Variants in KIAA0513 observed in about 807,000 individuals in gnomAD.
The protein encoded by KIAA0513 is uncharacterized protein KIAA0513.
In KIAA0513, 39 loss-of-function variants were observed where a neutral mutation model predicts 56.5. The observed-to-expected ratio is 0.69, with a 90% CI of 0.53 to 0.90. The LOEUF is 0.90. Ranked by LOEUF, KIAA0513 falls within the 40% of genes least tolerant of loss-of-function variation. The pLI, the probability that KIAA0513 is intolerant of heterozygous loss-of-function variation, is 0.00. For synonymous variants in KIAA0513, 268 were observed against 215.6 expected (o/e 1.24, Z -2.13); for missense variants, 591 against 535.2 (o/e 1.10, Z -1.03).
At chr16:85,036,548 C>T (rs1482143268) in intron 1 of KIAA0513, among the ~76,000 whole-genome samples, 3 of 150,606 alleles carry the variant, frequency 2.0e-5, no homozygotes, top group African/African-American at 7.3e-5. Flanking sequence ...GAAAGAGTGC[C>T]GGTGCCTTCT....
chr16:85,092,055 GC>G lies in KIAA0513; in HGVS notation c.*3732del, dbSNP rs1487275306. 6.6e-6 allele frequency: 1 copy of G among 150,956 alleles called. No individual in the cohort carries two copies. Among genetic ancestry groups the G allele is most frequent in the Non-Finnish European group, 1.5e-5 (1 of 67,996 alleles). 9.4% of individuals were successfully genotyped at this position (150,956 alleles called of 1,614,324 possible). A position where few individuals can be genotyped will look rare whatever the true frequency, so the allele number is the denominator to read the frequency against. On this transcript the variant is annotated 3_prime_UTR_variant, in exon 13 of 13. Transcript: ENST00000683363. ...CCTCCCGGGTTCAAGCAATTCTCCT[GC>G]CTCAGCCTCCTGAGTAGCTGGGATG...
chr16:85,069,436 GGT>G (rs2073539915), intron 2 of KIAA0513, among the ~76,000 whole-genome samples: 1 of 152,046 alleles, frequency 6.6e-6, no homozygotes, highest in Admixed American at 6.6e-5. Context: ...GTTCTTTTGT[GGT>G]TCTTGAGGGT....
At chr16:85,037,600 C>T (rs1429842560) in intron 1 of KIAA0513, among the ~76,000 whole-genome samples, 5 of 152,164 alleles carry the variant, frequency 3.3e-5, no homozygotes, top group African/African-American at 1.2e-4. Flanking sequence ...AACCCGTTAA[C>T]CAAGTAAAAC....
Position 85,081,187 on chromosome 16 carries a change from C to G in KIAA0513, c.903-128C>G. On this transcript the variant is annotated intron_variant, in intron 8 of 12. Transcript: ENST00000683363. This position sits in a 1 kb window ranked among gnomAD's most constrained non-coding sequence, Gnocchi z 4.4. ...CTCAGTTTTTCCTTCTCAGCCCTAC[C>G]TCTCTGAGACTTCTTAGAAGCTCAG... is the stretch of plus-strand genomic sequence containing the variant. The G allele has an allele frequency of 6.0e-6, 5 of 831,900 alleles. No individual in the cohort carries two copies. The highest frequency in any genetic ancestry group is 5.7e-5 in the South Asian group (4 of 70,508). 51.5% of individuals were successfully genotyped at this position (831,900 alleles called of 1,614,324 possible).
chr16:85,057,040 G>T (rs183916573), intron 1 of KIAA0513, among the ~76,000 whole-genome samples: 29 of 152,318 alleles, frequency 1.9e-4, no homozygotes, highest in African/African-American at 7.0e-4. Flanking sequence ...TGGGTGTACA[G>T]TGTCTGAAGA....
intron 1 of KIAA0513, among the ~76,000 whole-genome samples, chr16:85,045,878 A>G (rs1439737389): frequency 6.6e-6 from 1 of 152,140 alleles, no homozygotes; most frequent in Admixed American, 6.5e-5. Context: ...CCATCTGCCC[A>G]TCTGGCTTGG....
At chr16:85,034,846 G>A (rs991787050) in intron 1 of KIAA0513, among the ~76,000 whole-genome samples, 1 of 152,180 alleles carries the variant, frequency 6.6e-6, no homozygotes, top group African/African-American at 2.4e-5. Flanking sequence ...CACACAGTGT[G>A]TAGGGGCAGC....
At chr16:85,035,874 G>T (rs911363208) in intron 1 of KIAA0513, among the ~76,000 whole-genome samples, 19 of 151,920 alleles carry the variant, frequency 1.3e-4, no homozygotes, top group African/African-American at 4.6e-4. Context: ...CAGCTACTTG[G>T]GAGGCTAGGC....
chr16:85,082,959 C>T (rs1043409964), intron 10 of KIAA0513, among the ~76,000 whole-genome samples: 8 of 152,384 alleles, frequency 5.2e-5, no homozygotes, highest in Middle Eastern at 6.8e-3. Flanking sequence ...CCAGCCACTC[C>T]GGCCCCTTCT....
chr16:85,079,223 C>G, intron 8 of KIAA0513: 2 of 958,410 alleles, frequency 2.1e-6, no homozygotes, highest in Non-Finnish European at 3.0e-6. Flanking sequence ...TGAGCAGCCG[C>G]TGAGAAACAG....
Position 85,077,354 on chromosome 16 carries a change from CTG to C in KIAA0513, c.575-70_575-69del, listed in dbSNP as rs1255238452. ...GCACAGGACCCCTGCGGGGCTCCCTCTGGGCCTCTGCAGTTAGCAGGCGCATA... is the reference window on the plus strand; with the variant it reads ...GCACAGGACCCCTGCGGGGCTCCCTCGGCCTCTGCAGTTAGCAGGCGCATA... On this transcript the variant is annotated intron_variant, in intron 5 of 12. Transcript: ENST00000683363. 7.6e-6 allele frequency: 11 copies of C among 1,452,204 alleles called. No individual in the cohort carries two copies. The East Asian group carries it at 2.5e-4, about 33-fold the overall frequency. The allele number at this position is 1,452,204 out of a possible 1,614,324, so 90.0% of individuals were successfully genotyped here. A position where few individuals can be genotyped will look rare whatever the true frequency, so the allele number is the denominator to read the frequency against.
At chr16:85,064,131 G>A (rs184720952) in intron 1 of KIAA0513, among the ~76,000 whole-genome samples, 6 of 150,006 alleles carry the variant, frequency 4.0e-5, no homozygotes, top group East Asian at 2.0e-4. Flanking sequence ...TCAGCCTCCC[G>A]AGTGTTTAGG....
In KIAA0513 at chr16:85,082,711, G is replaced by C. The variant is rs1392256914; in HGVS notation, c.1010+118G>C. ...TGCAGCAGGCACAGCCCAGACGCAG[G>C]TGCAGCCTGGTGGCCGGCGGGGAGG... On this transcript the variant is annotated intron_variant, in intron 10 of 12. Coordinates refer to ENST00000683363, the MANE Select transcript of KIAA0513 (RefSeq NM_001388359.1). 4 of 1,061,874 alleles carry C rather than the reference G, an allele frequency of 3.8e-6. No individual in the cohort carries two copies. In the South Asian group the frequency reaches 4.6e-5, roughly 12 times the overall value. 65.8% of individuals were successfully genotyped at this position (1,061,874 alleles called of 1,614,324 possible). A position where few individuals can be genotyped will look rare whatever the true frequency, so the allele number is the denominator to read the frequency against.
intron 1 of KIAA0513, among the ~76,000 whole-genome samples, chr16:85,035,784 C>G (rs572923806): frequency 1.2e-4 from 18 of 152,242 alleles, no homozygotes; most frequent in Admixed American, 1.2e-3. Flanking sequence ...CGAGACCATC[C>G]TGGCTAACAC....
At chr16:85,075,591 C>A (rs1283962880) in intron 4 of KIAA0513, among the ~76,000 whole-genome samples, 2 of 152,210 alleles carry the variant, frequency 1.3e-5, no homozygotes, top group African/African-American at 4.8e-5. Context: ...GCTTCCCAGG[C>A]CTGGGCTTTC....
At chr16:85,030,728 A>T (rs1370876968) in intron 1 of KIAA0513, among the ~76,000 whole-genome samples, 2 of 149,960 alleles carry the variant, frequency 1.3e-5, no homozygotes, top group Non-Finnish European at 3.0e-5. Context: ...TGGGTGACAG[A>T]GAAAGACTCC....
chr16:85,072,225 A>G (rs369359036), intron 3 of KIAA0513, among the ~76,000 whole-genome samples: 8 of 152,294 alleles, frequency 5.3e-5, no homozygotes, highest in African/African-American at 1.7e-4. Context: ...AGTGAGAAAC[A>G]GGAAGTAGCT....
chr16:85,082,051 C>T (rs2073751682), intron 9 of KIAA0513, among the ~76,000 whole-genome samples: 1 of 152,238 alleles, frequency 6.6e-6, no homozygotes, highest in Non-Finnish European at 1.5e-5. Context: ...CTGGTCTCCT[C>T]ATTAATAAAG....
intron 10 of KIAA0513, among the ~76,000 whole-genome samples, chr16:85,086,380 GGC>G (rs2073808438): frequency 6.6e-6 from 1 of 152,234 alleles, no homozygotes; most frequent in Non-Finnish European, 1.5e-5. Flanking sequence ...GTGCCTTCAG[GGC>G]CATAAAGAGC....
Sources: gnomAD v4.1 joint callset for allele counts (sites outside exome capture counted in the v4.1 genomes callset) on GRCh38, gnomAD v4.1.1 for gene constraint, Gnocchi (gnomAD v3.1) non-coding constraint, MANE v1.5 for transcripts, NCBI Gene and HGNC (gene_info 2026-07-23, HGNC 2026-07-21) for gene names.